The following LRP1B variants were observed in gnomAD, a reference collection of about 807,000 sequenced individuals.
LRP1B encodes low-density lipoprotein receptor-related protein 1B.
Under a neutral mutation model 556.6 loss-of-function variants are expected in LRP1B, and 217 were observed. The observed-to-expected ratio is 0.39, with a 90% CI of 0.35 to 0.44. The LOEUF (loss-of-function observed/expected upper bound fraction) is 0.44, where lower values mean the gene tolerates loss of function less well. Among genes scored for constraint, LRP1B ranks in the 20% least tolerant of loss-of-function variants. The pLI is 1.00. For missense variants in LRP1B, 5,053 were observed against 5,620.8 expected, an observed-to-expected ratio of 0.90 and a Z score of 3.23; for synonymous variants, 2,047 against 1,865.8, an observed-to-expected ratio of 1.10 and a Z score of -2.50.
intron 20 of LRP1B, among the ~76,000 whole-genome samples, chr2:140,949,436 T>C (rs1311250278): frequency 2.0e-4 from 31 of 152,174 alleles, no homozygotes; most frequent in Admixed American, 2.0e-3. Flanking sequence ...CATGGATATG[T>C]TGAGAGCCAT....
At chr2:141,179,578 C>T (rs1195074407) in intron 7 of LRP1B, among the ~76,000 whole-genome samples, 2 of 151,920 alleles carry the variant, frequency 1.3e-5, no homozygotes, top group Admixed American at 1.3e-4. Context: ...CAATTTTTAC[C>T]TCCATTCTTA....
Position 141,736,909 on chromosome 2 carries a change from C to T in LRP1B, c.205+73370G>A, listed in dbSNP as rs542290467. 5.3e-5 allele frequency among the ~76,000 whole-genome samples: 8 copies of T among 152,200 alleles called. No individual in the cohort carries two copies. The South Asian group carries it at 8.3e-4, about 16-fold the overall frequency. On this transcript the variant is annotated intron_variant, in intron 2 of 90. Transcript: ENST00000389484. ...TTCTTTCTAATGAAGACTTATGAGA[C>T]GCAGAATAGTAAGTGCAGCTTAGAA...
At chr2:141,369,020 T>C (rs1390033804) in intron 3 of LRP1B, among the ~76,000 whole-genome samples, 2 of 152,148 alleles carry the variant, frequency 1.3e-5, no homozygotes, top group Admixed American at 1.3e-4. Context: ...ACAAAGTGCT[T>C]GGTAATATAA....
At chr2:140,837,034 T>A (rs1282227993) in intron 31 of LRP1B, among the ~76,000 whole-genome samples, 1 of 152,222 alleles carries the variant, frequency 6.6e-6, no homozygotes, top group Admixed American at 6.5e-5. Context: ...CTGTTTATTT[T>A]CACTAAACTC....
chr2:141,393,603 A>G (rs990090472), intron 3 of LRP1B, among the ~76,000 whole-genome samples: 1 of 152,170 alleles, frequency 6.6e-6, no homozygotes, highest in Non-Finnish European at 1.5e-5. Flanking sequence ...TAGCCATTCA[A>G]TCAAAAAACG....
intron 2 of LRP1B, among the ~76,000 whole-genome samples, chr2:141,687,111 C>G (rs1364317497): frequency 6.6e-6 from 1 of 151,982 alleles, no homozygotes; most frequent in Non-Finnish European, 1.5e-5. Context: ...AACTCAGACT[C>G]TACCTTTGAT....
At chr2:140,473,094 C>G (rs1026415199) in intron 60 of LRP1B, among the ~76,000 whole-genome samples, 3 of 151,990 alleles carry the variant, frequency 2.0e-5, no homozygotes, top group Non-Finnish European at 4.4e-5. Context: ...TAATCCAATT[C>G]CACTTTACAA....
chr2:140,275,050 C>A (rs888555087), intron 84 of LRP1B, among the ~76,000 whole-genome samples: 1 of 151,914 alleles, frequency 6.6e-6, no homozygotes, highest in Non-Finnish European at 1.5e-5. Flanking sequence ...GTGATTACAT[C>A]GGTATAGCAC....
intron 84 of LRP1B, among the ~76,000 whole-genome samples, chr2:140,292,804 T>G (rs1021728660): frequency 7.2e-5 from 11 of 152,298 alleles, no homozygotes; most frequent in Non-Finnish European, 1.5e-4. Flanking sequence ...TATTCACTGA[T>G]GAACTGACTC....
chr2:141,388,350 C>T (rs1418313407), intron 3 of LRP1B, among the ~76,000 whole-genome samples: 2 of 152,058 alleles, frequency 1.3e-5, no homozygotes, highest in African/African-American at 2.4e-5. Context: ...GCAAGAGAAT[C>T]GCTTGAACCC....
In LRP1B at chr2:141,032,801, A is replaced by ATG. The variant is rs551676545; in HGVS notation, c.1790-12701_1790-12700dup. ...TTTTCTAAAATTTTAACGCAGGTAT[A>ATG]TGTGTGTGTGTATATATATACATAC... On this transcript the variant is annotated intron_variant, in intron 11 of 90. Transcript: ENST00000389484. Among the ~76,000 whole-genome samples the ATG allele has an allele frequency of 1.2e-3, 177 of 150,332 alleles. 2 individuals are homozygous for ATG. Among genetic ancestry groups the ATG allele is most frequent in the African/African-American group, 3.8e-3 (156 of 40,852 alleles).
intron 20 of LRP1B, among the ~76,000 whole-genome samples, chr2:140,945,257 C>A (rs1288026768): frequency 6.6e-6 from 1 of 152,080 alleles, no homozygotes; most frequent in Non-Finnish European, 1.5e-5. Context: ...TCATGGATTG[C>A]AATAATCAAT....
chr2:141,425,915 T>C (rs1448995292), intron 3 of LRP1B, among the ~76,000 whole-genome samples: 13 of 150,286 alleles, frequency 8.7e-5, no homozygotes, highest in Non-Finnish European at 1.8e-4. Context: ...GCAGAAGCTC[T>C]TTAGTTTAAT....
intron 2 of LRP1B, among the ~76,000 whole-genome samples, chr2:141,698,493 TAA>T (rs34461101): frequency 0.019 from 2,639 of 139,982 alleles, 82 homozygotes; most frequent in African/African-American, 0.064. Flanking sequence ...GTTGTACACT[TAA>T]AAAAAAAAAA....
At chr2:141,639,955 A>G (rs1273778107) in intron 2 of LRP1B, among the ~76,000 whole-genome samples, 12 of 152,182 alleles carry the variant, frequency 7.9e-5, no homozygotes, top group African/African-American at 2.2e-4. Context: ...AGAAAACGCA[A>G]TGGTAGCTCC....
At chr2:140,934,769 T>C (rs1277340303) in intron 20 of LRP1B, among the ~76,000 whole-genome samples, 3 of 152,098 alleles carry the variant, frequency 2.0e-5, no homozygotes, top group Non-Finnish European at 4.4e-5. Context: ...CCTCTCTCCA[T>C]CGTTACAAGT....
rs114657336 is a variant in LRP1B, at chr2:141,773,514, T to C, written c.205+36765A>G. ...TTTATCACTACAAAGTAGCAAAGGA[T>C]CAGAGGACAAGGTGAATACCTAAGG... is the stretch of plus-strand genomic sequence containing the variant. On this transcript the variant is annotated intron_variant, in intron 2 of 90. Coordinates refer to ENST00000389484, the MANE Select transcript of LRP1B (RefSeq NM_018557.3). Among the ~76,000 whole-genome samples the C allele has an allele frequency of 4.8e-3, 738 of 152,250 alleles. 8 individuals are homozygous for C. Among genetic ancestry groups the C allele is most frequent in the African/African-American group, 0.017 (708 of 41,554 alleles).
At chr2:141,725,775 G>A (rs1379329491) in intron 2 of LRP1B, among the ~76,000 whole-genome samples, 1 of 151,504 alleles carries the variant, frequency 6.6e-6, no homozygotes, top group Admixed American at 6.6e-5. Context: ...AGAACACAGG[G>A]CTTTGCATCA....
intron 3 of LRP1B, among the ~76,000 whole-genome samples, chr2:141,479,250 C>G (rs1039669949): frequency 6.6e-6 from 1 of 152,134 alleles, no homozygotes; most frequent in Admixed American, 6.5e-5. Context: ...CACCCCAGAC[C>G]TGGAAAACTG....
Sources: allele counts gnomAD v4.1 joint callset (sites outside exome capture counted in the v4.1 genomes callset), GRCh38; gene constraint gnomAD v4.1.1; transcripts MANE v1.5; gene names NCBI Gene and HGNC (gene_info 2026-07-23, HGNC 2026-07-21).